The following LRCH1 variants were observed in gnomAD, a reference collection of about 807,000 sequenced individuals.
The protein encoded by LRCH1 is leucine rich repeats and calponin homology domain containing 1.
Under a neutral mutation model 94.9 loss-of-function variants are expected in LRCH1, and 23 were observed. The observed-to-expected ratio is 0.24, with a 90% CI of 0.17 to 0.34. The LOEUF (loss-of-function observed/expected upper bound fraction) is 0.34, where lower values mean the gene tolerates loss of function less well. Ranked by LOEUF, LRCH1 falls within the 10% of genes least tolerant of loss-of-function variation. The pLI is 1.00. For synonymous variants in LRCH1, 364 were observed against 354.9 expected (o/e 1.03, Z -0.29); for missense variants, 790 against 945.9 (o/e 0.84, Z 2.16).
At position 46,573,867 on chromosome 13, in the gene LRCH1, T is replaced by TATATATATATATATATATATA. The variant is rs1555269135; in HGVS notation, c.307+20164_307+20165insATATATATATATATATATATA. ...TCAAATATATATATATATATATATA[T>TATATATATATATATATATATA]TTTTTTTTTTTTTGAGATGGAGTCT... On this transcript the variant is annotated intron_variant, in intron 1 of 19. Transcript: ENST00000389797. 3.0e-4 allele frequency among the ~76,000 whole-genome samples: 16 copies of TATATATATATATATATATATA among 52,976 alleles called. No individual in the cohort carries two copies. The East Asian group carries it at 3.0e-3, about 10-fold the overall frequency. The allele number at this position is 52,976 out of a possible 152,430, so 34.8% of individuals were successfully genotyped here.
chr13:46,689,192 C>G lies in LRCH1; in HGVS notation c.1010C>G (p.Thr337Ser), dbSNP rs1870770337. The G allele has an allele frequency of 6.2e-7, 1 of 1,610,680 alleles. No homozygotes were observed. The highest frequency in any genetic ancestry group is 1.1e-5 in the South Asian group (1 of 90,480). Reference sequence around the variant, plus strand: ...AATGGAGATAAGCGATTATCTGCCACCGAGGTAAAGTTAGTGATCAGATTC... The same window carrying G: ...AATGGAGATAAGCGATTATCTGCCAGCGAGGTAAAGTTAGTGATCAGATTC... Reference protein sequence around the residue: ...SDNGDKRLSATEPSDEDTVSL... With the variant: ...SDNGDKRLSASEPSDEDTVSL... Residue 337 changes from threonine (T) to serine (S), a missense_variant, in exon 7 of 20, where the codon ACC (threonine) becomes AGC (serine). Around this residue, in one of 3 missense-constraint regions of LRCH1, gnomAD observed 194 missense variants for 293.5 expected, o/e 0.66. Coordinates refer to ENST00000389797, the MANE Select transcript of LRCH1 (RefSeq NM_001164211.2).
At chr13:46,734,276 T>C (rs1873261319) in intron 19 of LRCH1, among the ~76,000 whole-genome samples, 1 of 152,224 alleles carries the variant, frequency 6.6e-6, no homozygotes, top group Non-Finnish European at 1.5e-5. Context: ...TTTAATCCGC[T>C]TGATTCTCCA....
Position 46,725,019 on chromosome 13 carries a change from C to T in LRCH1, c.1869+1689C>T, listed in dbSNP as rs538483766. ...TACATAAACACCATGGAATACTACA[C>T]AGCCATAAAAAAGAATGAAATCATG... On this transcript the variant is annotated intron_variant, in intron 17 of 19. Coordinates refer to ENST00000389797, the MANE Select transcript of LRCH1 (RefSeq NM_001164211.2). Among the ~76,000 whole-genome samples the T allele has an allele frequency of 2.3e-4, 35 of 152,300 alleles. 1 individual carries two copies. In the South Asian group the frequency reaches 3.1e-3, roughly 14 times the overall value.
intron 19 of LRCH1, among the ~76,000 whole-genome samples, chr13:46,736,506 A>G (rs1469340553): frequency 6.6e-6 from 1 of 152,170 alleles, no homozygotes; most frequent in Non-Finnish European, 1.5e-5. Context: ...GTGGCACAGT[A>G]CAATTGATGA....
chr13:46,641,786 C>G (rs1017947156), intron 1 of LRCH1, among the ~76,000 whole-genome samples: 1 of 152,196 alleles, frequency 6.6e-6, no homozygotes, highest in Non-Finnish European at 1.5e-5. Flanking sequence ...TGCTTCCAAT[C>G]GTGCTGACTG....
chr13:46,619,326 G>T (rs1298894177), intron 1 of LRCH1, among the ~76,000 whole-genome samples: 1 of 152,042 alleles, frequency 6.6e-6, no homozygotes, highest in Non-Finnish European at 1.5e-5. Context: ...GGCCAGGCTG[G>T]TCTCGGACTC....
intron 19 of LRCH1, among the ~76,000 whole-genome samples, 182 bp downstream of exon 19, chr13:46,734,180 A>C (rs1284472362): frequency 1.3e-5 from 2 of 152,208 alleles, no homozygotes; most frequent in East Asian, 3.9e-4. Flanking sequence ...AAGTAAAATG[A>C]CTATGCAATA....
chr13:46,614,197 G>A (rs1427170055), intron 1 of LRCH1, among the ~76,000 whole-genome samples: 1 of 152,046 alleles, frequency 6.6e-6, no homozygotes, highest in Non-Finnish European at 1.5e-5. Flanking sequence ...CAATACTTGT[G>A]TGGTACTCTA....
intron 3 of LRCH1, among the ~76,000 whole-genome samples, chr13:46,680,680 G>A (rs893273167): frequency 1.3e-5 from 2 of 152,248 alleles, no homozygotes; most frequent in African/African-American, 4.8e-5. Flanking sequence ...TGTAGGTTGT[G>A]AGGAGGGACA....
chr13:46,620,621 G>A (rs1440972988), intron 1 of LRCH1, among the ~76,000 whole-genome samples: 1 of 152,168 alleles, frequency 6.6e-6, no homozygotes, highest in African/African-American at 2.4e-5. Context: ...GAAGGGCCCT[G>A]GCTATGATCT....
Position 46,598,286 on chromosome 13 carries a change from C to T in LRCH1, c.307+44583C>T, listed in dbSNP as rs534128529. Among the ~76,000 whole-genome samples, 18 of 152,106 alleles carry T rather than the reference C, an allele frequency of 1.2e-4. 1 individual carries two copies. The South Asian group carries it at 1.7e-3, about 14-fold the overall frequency. ...CACTATTTCTTTATGTGCAAAATGG[C>T]CTCTTTTGAGCAGCCCTGGGGCAGT... is the stretch of plus-strand genomic sequence containing the variant. On this transcript the variant is annotated intron_variant, in intron 1 of 19. Transcript: ENST00000389797.
At chr13:46,614,848 G>T (rs1161187862) in intron 1 of LRCH1, among the ~76,000 whole-genome samples, 1 of 152,162 alleles carries the variant, frequency 6.6e-6, no homozygotes, top group Non-Finnish European at 1.5e-5. Flanking sequence ...ATGAGGAGAG[G>T]CAGTGAGTCA....
chr13:46,716,624 T>C (rs561760291), intron 16 of LRCH1, among the ~76,000 whole-genome samples: 27 of 152,312 alleles, frequency 1.8e-4, no homozygotes, highest in Non-Finnish European at 4.0e-4. Context: ...ACCTGGAAAA[T>C]ATATGTTTAA....
At chr13:46,714,427 T>A (rs982908872) in intron 15 of LRCH1, among the ~76,000 whole-genome samples, 2 of 152,216 alleles carry the variant, frequency 1.3e-5, no homozygotes, top group African/African-American at 4.8e-5. Flanking sequence ...TAATCTTAAC[T>A]GGAAAGCATA....
intron 1 of LRCH1, among the ~76,000 whole-genome samples, chr13:46,642,913 G>GT (rs2051176536): frequency 6.7e-6 from 1 of 148,934 alleles, no homozygotes; most frequent in Non-Finnish European, 1.5e-5. Context: ...GCTTTAGGAT[G>GT]TTAAAAAAAA....
chr13:46,632,984 A>G (rs1264228740), intron 1 of LRCH1, among the ~76,000 whole-genome samples: 1 of 152,250 alleles, frequency 6.6e-6, no homozygotes, highest in Non-Finnish European at 1.5e-5. Flanking sequence ...AAAAGCTTCC[A>G]AATAGATCTG....
chr13:46,733,784 A>G (rs536316474), intron 18 of LRCH1, 137 bp from the exon 19 acceptor site: 6 of 543,662 alleles, frequency 1.1e-5, no homozygotes, highest in South Asian at 5.0e-5. Flanking sequence ...GTTTTCTTCT[A>G]TTTGCTTATG....
At chr13:46,629,518 C>T (rs1474336035) in intron 1 of LRCH1, among the ~76,000 whole-genome samples, 1 of 152,200 alleles carries the variant, frequency 6.6e-6, no homozygotes, top group Non-Finnish European at 1.5e-5. Flanking sequence ...CCTTGTAACT[C>T]AGCCTTTGAT....
At chr13:46,597,444 C>T (rs893684592) in intron 1 of LRCH1, among the ~76,000 whole-genome samples, 2 of 152,022 alleles carry the variant, frequency 1.3e-5, no homozygotes, top group African/African-American at 2.4e-5. Flanking sequence ...GCAACTTCCG[C>T]CTCCCGGGTT....
Sources: gnomAD v4.1 joint callset for allele counts (sites outside exome capture counted in the v4.1 genomes callset) on GRCh38, gnomAD v4.1.1 for gene constraint, gnomAD v4.1.1 regional missense constraint, MANE v1.5 for transcripts, NCBI Gene and HGNC (gene_info 2026-07-23, HGNC 2026-07-21) for gene names.